IFIH1: variants seen among roughly 807,000 people sequenced by gnomAD.
IFIH1 encodes the protein interferon-induced helicase C domain-containing protein 1.
A neutral mutation model predicts 107.4 loss-of-function variants in IFIH1; 125 were observed. The observed-to-expected ratio is 1.16, with a 90% confidence interval of 1.01 to 1.35. The LOEUF (loss-of-function observed/expected upper bound fraction) is 1.35, where lower values mean the gene tolerates loss of function less well. IFIH1 is among the 40% of genes most tolerant of loss of function. The pLI is 0.00. For missense variants in IFIH1, 1,333 were observed against 1,213.7 expected (o/e 1.10, Z -1.46); for synonymous variants, 458 against 413.2 (o/e 1.11, Z -1.31).
chr2:162,272,392 A>G lies in IFIH1; in HGVS notation c.2455-5T>C. ...AGCTCTGGCTCGACCACGGGCCTGA[A>G]AACACAAATAAATCAAGTAAATGAA... On this transcript the variant is annotated splice_polypyrimidine_tract_variant and splice_region_variant and intron_variant, in intron 12 of 15. Transcript: ENST00000649979. 3 of 1,609,458 alleles carry G rather than the reference A, an allele frequency of 1.9e-6. No homozygotes were observed. Among genetic ancestry groups the G allele is most frequent in the Non-Finnish European group, 1.7e-6 (2 of 1,178,158 alleles).
In IFIH1 at chr2:162,267,566, T is replaced by C. The variant is rs759715693; in HGVS notation, c.2811A>G (p.Glu937=). ...HHVNMTPEFK[E]LYIVRENKAL... ...CTTTGTTTTCTCTTACAATGTAAAG[T>C]TCCCTATAAGTATCAAAGGGAAAGA... The change falls in exon 15 of 16, where the codon GAA becomes GAG. Residue 937 remains glutamate, a synonymous_variant. Transcript: ENST00000649979. 177 of 1,599,600 alleles carry C rather than the reference T, an allele frequency of 1.1e-4. No individual in the cohort carries two copies. Among genetic ancestry groups the C allele is most frequent in the Admixed American group, 1.7e-4 (10 of 59,994 alleles).
At position 162,282,342 on chromosome 2, in the gene IFIH1, A is replaced by T. The variant is rs191016206; in HGVS notation, c.1306+24T>A. 5.3e-4 allele frequency: 768 copies of T among 1,461,120 alleles called. 3 individuals carry two copies. In the African/African-American group the frequency reaches 9.4e-3, roughly 18 times the overall value. The allele number at this position is 1,461,120 out of a possible 1,614,324, so 90.5% of individuals were successfully genotyped here. ...CATCAATATTACTATTAATTTTTTT[A>T]AAAAAATAAACACTTAAACTGACCT... On this transcript the variant is annotated intron_variant, in intron 6 of 15. Coordinates refer to ENST00000649979, the MANE Select transcript of IFIH1 (RefSeq NM_022168.4).
chr2:162,289,411 A>C (rs1232799300), intron 4 of IFIH1, among the ~76,000 whole-genome samples: 3 of 151,824 alleles, frequency 2.0e-5, no homozygotes, highest in Non-Finnish European at 2.9e-5. Flanking sequence ...CATAGCTTAT[A>C]ATGTGAAATG....
At chr2:162,280,936 C>T (rs1027412943) in intron 7 of IFIH1, among the ~76,000 whole-genome samples, 2 of 151,966 alleles carry the variant, frequency 1.3e-5, no homozygotes, top group African/African-American at 4.8e-5. Context: ...ATATGAAGGA[C>T]AGAAAATACG....
chr2:162,267,395 G>A lies in IFIH1; in HGVS notation c.2899-16C>T. ...TTCCCCAAGCCTGGAAAACAAAAGA[G>A]AGAGCAAGAGGAAAATTAAATGTAC... On this transcript the variant is annotated splice_polypyrimidine_tract_variant and intron_variant, in intron 15 of 15. Transcript: ENST00000649979. The A allele has an allele frequency of 6.2e-7, 1 of 1,613,896 alleles. No individual in the cohort carries two copies. The highest frequency in any genetic ancestry group is 8.5e-7 in the Non-Finnish European group (1 of 1,179,912).
intron 3 of IFIH1, among the ~76,000 whole-genome samples, chr2:162,306,497 T>G (rs1683282058): frequency 6.6e-6 from 1 of 152,220 alleles, no homozygotes; most frequent in South Asian, 2.1e-4. Flanking sequence ...GCAATTGTGT[T>G]CATATTTATA....
chr2:162,302,612 A>G lies in IFIH1; in HGVS notation c.769+4097T>C, dbSNP rs556484053. ...GTCAGAAAATGCCTATGCAGGCAAAACCCTTCCATAGTAAATTCTGCAACA... is the reference window on the plus strand; with the variant it reads ...GTCAGAAAATGCCTATGCAGGCAAAGCCCTTCCATAGTAAATTCTGCAACA... On this transcript the variant is annotated intron_variant, in intron 3 of 15. Transcript: ENST00000649979. 3.6e-3 allele frequency among the ~76,000 whole-genome samples: 546 copies of G among 152,362 alleles called. 3 individuals are homozygous for G. The highest frequency in any genetic ancestry group is 0.013 in the African/African-American group (520 of 41,592).
At chr2:162,299,909 T>C (rs1576234361) in intron 3 of IFIH1, among the ~76,000 whole-genome samples, 2 of 152,198 alleles carry the variant, frequency 1.3e-5, no homozygotes, top group African/African-American at 4.8e-5. Flanking sequence ...TTGCTCATGA[T>C]GCCTCTGAAA....
intron 4 of IFIH1, among the ~76,000 whole-genome samples, chr2:162,292,880 T>C (rs1014727035): frequency 4.6e-5 from 7 of 151,826 alleles, no homozygotes; most frequent in African/African-American, 1.4e-4. Context: ...CATGGAAATA[T>C]ACACTCAAAG....
chr2:162,275,208 G>T (rs1559811360), intron 11 of IFIH1, among the ~76,000 whole-genome samples: 1 of 152,164 alleles, frequency 6.6e-6, no homozygotes, highest in Non-Finnish European at 1.5e-5. Flanking sequence ...AAGGGAATAT[G>T]TTCTGTATTT....
At chr2:162,313,712 C>T (rs74332751) in intron 1 of IFIH1, among the ~76,000 whole-genome samples, 1 of 152,072 alleles carries the variant, frequency 6.6e-6, no homozygotes, top group Non-Finnish European at 1.5e-5. Context: ...GGAGGCAAAA[C>T]CTGTATGTTA....
At position 162,318,216 on chromosome 2, in the gene IFIH1, A is replaced by G; in HGVS notation, c.92T>C (p.Val31Ala). ...AGGCAGAAAGGTCAGGTAGTCCAGC[A>G]CAGGCTCCACCTGGATGTACATTTT... Reference protein sequence around the residue: ...RVKMYIQVEPVLDYLTFLPAE... With the variant: ...RVKMYIQVEPALDYLTFLPAE... The change falls in exon 1 of 16, where the codon GTG becomes GCG. Residue 31 changes from valine (V) to alanine (A), a missense_variant. By Grantham distance (64) the Val-to-Ala change is moderately conservative. Transcript: ENST00000649979. The G allele has an allele frequency of 1.9e-6, 3 of 1,614,160 alleles. No individual in the cohort carries two copies. The highest frequency in any genetic ancestry group is 2.5e-6 in the Non-Finnish European group (3 of 1,180,020).
At chr2:162,288,686 G>T (rs988597700) in intron 4 of IFIH1, among the ~76,000 whole-genome samples, 1 of 151,786 alleles carries the variant, frequency 6.6e-6, no homozygotes, top group East Asian at 1.9e-4. Context: ...GTGCGGGATT[G>T]GCAGGTCTAG....
chr2:162,315,051 A>G (rs1440397242), intron 1 of IFIH1, among the ~76,000 whole-genome samples: 1 of 152,224 alleles, frequency 6.6e-6, no homozygotes, highest in Non-Finnish European at 1.5e-5. Context: ...TGGGGTGGGA[A>G]TCCTAAATTA....
Position 162,267,233 on chromosome 2 carries a change from A to G in IFIH1, c.3045T>C (p.Tyr1015=), listed in dbSNP as rs1317889118. ...ELPITFPNLD[Y]SECCLFSDED ...CATCACTAAATAAACAGCATTCTGAATAGTCAAGATTGGGAAATGTGATAG... is the reference window on the plus strand; with the variant it reads ...CATCACTAAATAAACAGCATTCTGAGTAGTCAAGATTGGGAAATGTGATAG... Residue 1015 remains tyrosine, a synonymous_variant, in exon 16 of 16, where the codon TAT becomes TAC. Coordinates refer to ENST00000649979, the MANE Select transcript of IFIH1 (RefSeq NM_022168.4). The G allele has an allele frequency of 1.2e-5, 19 of 1,603,296 alleles. No homozygotes were observed. The highest frequency in any genetic ancestry group is 1.8e-4 in the Middle Eastern group (1 of 5,534).
chr2:162,296,213 G>C (rs1683082592), intron 3 of IFIH1, among the ~76,000 whole-genome samples: 1 of 151,986 alleles, frequency 6.6e-6, no homozygotes, highest in African/African-American at 2.4e-5. Context: ...CGTAAGTTTT[G>C]GGAGGGAGCT....
intron 4 of IFIH1, among the ~76,000 whole-genome samples, chr2:162,289,183 A>G (rs993118926): frequency 6.6e-6 from 1 of 151,862 alleles, no homozygotes; most frequent in Non-Finnish European, 1.5e-5. Flanking sequence ...ATGGCTCCAC[A>G]TATTCCAACT....
At chr2:162,291,618 C>T (rs1403396061) in intron 4 of IFIH1, among the ~76,000 whole-genome samples, 1 of 151,764 alleles carries the variant, frequency 6.6e-6, no homozygotes, top group Non-Finnish European at 1.5e-5. Context: ...TGGGTCACAC[C>T]TTATGGCCCA....
chr2:162,301,589 G>A (rs866291156), intron 3 of IFIH1, among the ~76,000 whole-genome samples: 4 of 152,200 alleles, frequency 2.6e-5, no homozygotes, highest in African/African-American at 4.8e-5. Context: ...ATGAAAAAAG[G>A]TTAATGTGAA....
Sources: allele counts gnomAD v4.1 joint callset (sites outside exome capture counted in the v4.1 genomes callset), GRCh38; gene constraint gnomAD v4.1.1; transcripts MANE v1.5; gene names NCBI Gene and HGNC (gene_info 2026-07-23, HGNC 2026-07-21).